Variants in BCCIP observed in about 807,000 individuals in gnomAD.
BCCIP encodes BRCA2 and CDKN1A interacting protein.
In BCCIP, 23 loss-of-function variants were observed where a neutral mutation model predicts 32.8. The ratio of observed to expected loss-of-function variants is 0.70; its 90% CI spans 0.51 to 0.99. BCCIP has a LOEUF of 0.99. BCCIP is among the 50% of genes least tolerant of loss of function. The pLI is 0.00. For synonymous variants in BCCIP, 144 were observed against 137.6 expected, an observed-to-expected ratio of 1.05 and a Z score of -0.33; for missense variants, 378 against 379.8, an observed-to-expected ratio of 1.00 and a Z score of 0.04.
intron 2 of BCCIP, 144 bp downstream of exon 2, chr10:125,826,809 G>C (rs1854400390): frequency 1.4e-6 from 2 of 1,397,246 alleles, no homozygotes; most frequent in Non-Finnish European, 1.9e-6. Flanking sequence ...AGACCAGCCT[G>C]GGCAACATAA....
intron 7 of BCCIP, among the ~76,000 whole-genome samples, chr10:125,849,153 G>A (rs1456173108): frequency 2.6e-5 from 4 of 152,138 alleles, no homozygotes; most frequent in Non-Finnish European, 4.4e-5. Flanking sequence ...TGAATTCATC[G>A]CAAAATAAAC....
chr10:125,840,729 T>C, downstream of BCCIP: 1 of 1,169,144 alleles, frequency 8.6e-7, no homozygotes, highest in Non-Finnish European at 1.2e-6. Flanking sequence ...CAAGTGCCAT[T>C]GCATTCAAGT....
downstream of BCCIP, among the ~76,000 whole-genome samples, chr10:125,837,813 T>A (rs1156246450): frequency 1.3e-5 from 2 of 152,234 alleles, no homozygotes; most frequent in Non-Finnish European, 2.9e-5. Flanking sequence ...CATAAAGCCT[T>A]ACACCTTCTG....
At chr10:125,850,243 G>A (rs1013453495) in intron 7 of BCCIP, among the ~76,000 whole-genome samples, 1 of 151,362 alleles carries the variant, frequency 6.6e-6, no homozygotes, top group African/African-American at 2.4e-5. Context: ...CTCCCAAGGT[G>A]CCAGGATTAC....
chr10:125,842,849 G>C, downstream of BCCIP: 1 of 864,104 alleles, frequency 1.2e-6, no homozygotes, highest in Non-Finnish European at 1.4e-6. Flanking sequence ...ATGTAACATC[G>C]ATAATGATGT....
chr10:125,845,138 A>G (rs1316765214), downstream of BCCIP, among the ~76,000 whole-genome samples: 1 of 152,180 alleles, frequency 6.6e-6, no homozygotes, highest in Admixed American at 6.5e-5. Flanking sequence ...GTGGAGTCCA[A>G]GGCCACGGCA....
At chr10:125,852,177 A>G in intron 7 of BCCIP, 1 of 1,322,706 alleles carries the variant, frequency 7.6e-7, no homozygotes, top group South Asian at 1.5e-5. Context: ...GTCCAAACCA[A>G]CGCCCCCTCC....
At chr10:125,839,033 T>G, downstream of BCCIP, 1 of 1,614,100 alleles carries the variant, frequency 6.2e-7, no homozygotes, top group Non-Finnish European at 8.5e-7. Flanking sequence ...AGAGCTTTCT[T>G]TATGTTTAGA....
chr10:125,829,081 T>C (rs1765144591), intron 3 of BCCIP, among the ~76,000 whole-genome samples: 1 of 152,202 alleles, frequency 6.6e-6, no homozygotes, highest in South Asian at 2.1e-4. Flanking sequence ...GGAGGGCACA[T>C]TGATCCCACC....
exon 7 of BCCIP, chr10:125,842,121 G>A: frequency 1.3e-6 from 1 of 755,232 alleles, no homozygotes; most frequent in Non-Finnish European, 1.9e-6. Flanking sequence ...CTCAGGAGGG[G>A]AGCCCTGTGA....
intron 1 of BCCIP, chr10:125,825,968 T>A (rs1259215654): frequency 6.5e-6 from 1 of 153,898 alleles, no homozygotes; most frequent in East Asian, 1.9e-4. Flanking sequence ...TGCTGTTCCC[T>A]GTACCAGGAA....
chr10:125,849,496 A>T (rs1944063510), intron 7 of BCCIP, among the ~76,000 whole-genome samples: 1 of 152,316 alleles, frequency 6.6e-6, no homozygotes, highest in East Asian at 1.9e-4. Context: ...TCATCTGAGT[A>T]TAGTAGTAAC....
In BCCIP at chr10:125,833,634, A is replaced by C. The variant is rs980081393; in HGVS notation, c.600-138A>C. 8 of 715,440 alleles carry C rather than the reference A, an allele frequency of 1.1e-5. No homozygotes were observed. In the African/African-American group the frequency reaches 1.4e-4, roughly 13 times the overall value. The allele number at this position is 715,440 out of a possible 1,614,324, so 44.3% of individuals were successfully genotyped here. ...TTATGTAAATAAAAATCATTCCTGTAGACTAAGTGTTCAGATTGAATGCCT... is the reference window on the plus strand; with the variant it reads ...TTATGTAAATAAAAATCATTCCTGTCGACTAAGTGTTCAGATTGAATGCCT... On this transcript the variant is annotated intron_variant, in intron 5 of 6. Coordinates refer to ENST00000278100, the MANE Select transcript of BCCIP (RefSeq NM_078468.3).
chr10:125,841,076 C>T (rs554519259), downstream of BCCIP: 72 of 1,495,532 alleles, frequency 4.8e-5, no homozygotes, highest in African/African-American at 7.8e-4. Context: ...GGAGGGGTCA[C>T]GACTGTTAGT....
At chr10:125,842,715 T>C (rs1255726402) in exon 7 of BCCIP, 1 of 570,240 alleles carries the variant, frequency 1.8e-6, no homozygotes, top group Non-Finnish European at 2.2e-6. Context: ...CAGAGAAAAA[T>C]TAATCACAAC....
At chr10:125,850,544 G>T (rs527722773) in intron 7 of BCCIP, among the ~76,000 whole-genome samples, 1 of 151,890 alleles carries the variant, frequency 6.6e-6, no homozygotes, top group African/African-American at 2.4e-5. Context: ...TAGTAGAGAC[G>T]AGATTTCACC....
At chr10:125,853,125 G>A in exon 8 of BCCIP, 2 of 1,600,566 alleles carry the variant, frequency 1.2e-6, no homozygotes, top group African/African-American at 1.3e-5. Context: ...TTCCTTACAG[G>A]TGGTTCACGG....
chr10:125,843,237 G>A (rs904672492), downstream of BCCIP, among the ~76,000 whole-genome samples: 9 of 152,056 alleles, frequency 5.9e-5, no homozygotes, highest in Non-Finnish European at 1.0e-4. Context: ...CCTAAGAAGC[G>A]CTTGAACCTG....
intron 3 of BCCIP, 114 bp downstream of exon 3, chr10:125,827,752 T>A (rs770753161): frequency 1.3e-5 from 10 of 750,722 alleles, no homozygotes; most frequent in Non-Finnish European, 2.2e-5. Flanking sequence ...GGAGGATTGC[T>A]TGAGGCCAGG....
Sources: gnomAD v4.1 joint callset for allele counts (sites outside exome capture counted in the v4.1 genomes callset) on GRCh38, gnomAD v4.1.1 for gene constraint, MANE v1.5 for transcripts, NCBI Gene and HGNC (gene_info 2026-07-23, HGNC 2026-07-21) for gene names.